The following SCYL2 variants were observed in gnomAD, a reference collection of about 807,000 sequenced individuals.
The protein encoded by SCYL2 is SCY1 like pseudokinase 2.
A neutral mutation model predicts 100.4 loss-of-function variants in SCYL2; 36 were observed. The ratio of observed to expected loss-of-function variants is 0.36; its 90% confidence interval spans 0.27 to 0.47. SCYL2 has a LOEUF of 0.47. Among genes scored for constraint, SCYL2 ranks in the 20% least tolerant of loss-of-function variants. SCYL2 has a pLI of 1.00. For missense variants in SCYL2, 902 were observed against 1,083.9 expected (o/e 0.83, Z 2.36); for synonymous variants, 330 against 359.2 (o/e 0.92, Z 0.92).
chr12:100,306,498 A>G (rs980205644), intron 4 of SCYL2, among the ~76,000 whole-genome samples: 5 of 152,192 alleles, frequency 3.3e-5, no homozygotes, highest in African/African-American at 9.6e-5. Flanking sequence ...TTGATAGAAC[A>G]TATCTCAAAA....
At chr12:100,306,370 A>G (rs767614854) in intron 4 of SCYL2, among the ~76,000 whole-genome samples, 1 of 152,240 alleles carries the variant, frequency 6.6e-6, no homozygotes, top group Non-Finnish European at 1.5e-5. Flanking sequence ...ATTAAATGTC[A>G]TCCATCACAT....
intron 6 of SCYL2, among the ~76,000 whole-genome samples, chr12:100,313,146 CAAAT>C (rs2096344242): frequency 1.3e-5 from 2 of 151,786 alleles, no homozygotes; most frequent in South Asian, 4.1e-4. Flanking sequence ...ATATTTTTTT[CAAAT>C]AAATAAAGAG....
chr12:100,332,213 C>T (rs1952218910), intron 13 of SCYL2, among the ~76,000 whole-genome samples: 1 of 152,170 alleles, frequency 6.6e-6, no homozygotes, highest in Non-Finnish European at 1.5e-5. Context: ...ATTAGAGACT[C>T]AGTGTCCAGA....
chr12:100,288,066 GAAATT>G (rs1180087196), intron 2 of SCYL2, among the ~76,000 whole-genome samples: 3 of 152,166 alleles, frequency 2.0e-5, no homozygotes, highest in African/African-American at 7.2e-5. Context: ...AAAGAAAAAT[GAAATT>G]AGATTATGAT....
chr12:100,291,707 T>C lies in SCYL2; in HGVS notation c.335+47T>C, dbSNP rs757044680. 15 of 1,481,104 alleles carry C rather than the reference T, an allele frequency of 1.0e-5. No individual in the cohort carries two copies. The Admixed American group carries it at 2.7e-4, about 27-fold the overall frequency. The allele number at this position is 1,481,104 out of a possible 1,614,324, so 91.7% of individuals were successfully genotyped here. A position where few individuals can be genotyped will look rare whatever the true frequency, so the allele number is the denominator to read the frequency against. ...CATAGTAGACTTCCTGAACAAATAG[T>C]TAAAAATAATTTTATATTTGAAATC... On this transcript the variant is annotated intron_variant, in intron 3 of 17. Coordinates refer to ENST00000360820, the MANE Select transcript of SCYL2 (RefSeq NM_017988.6).
intron 4 of SCYL2, among the ~76,000 whole-genome samples, chr12:100,307,113 C>T (rs9971721): frequency 0.22 from 34,165 of 152,040 alleles, 4,314 homozygotes; most frequent in African/African-American, 0.33. Flanking sequence ...CAAGCTACCA[C>T]TGATTTTCTT....
chr12:100,333,110 TG>T (rs1952232392), intron 13 of SCYL2, among the ~76,000 whole-genome samples: 1 of 151,906 alleles, frequency 6.6e-6, no homozygotes, highest in Non-Finnish European at 1.5e-5. Context: ...CACTTTGACA[TG>T]TAGACTTTTG....
intron 2 of SCYL2, among the ~76,000 whole-genome samples, chr12:100,289,445 T>A (rs578085473): frequency 1.3e-5 from 2 of 152,222 alleles, no homozygotes; most frequent in African/African-American, 4.8e-5. Context: ...ATAATATTTG[T>A]CTCGTAGGGT....
At chr12:100,294,510 C>CT (rs2096315604) in intron 3 of SCYL2, among the ~76,000 whole-genome samples, 1 of 72,460 alleles carries the variant, frequency 1.4e-5, no homozygotes, top group East Asian at 2.7e-4. Context: ...AGGCGGGGGG[C>CT]TGACTCCCCC....
At chr12:100,277,905 T>A (rs949045055) in intron 1 of SCYL2, among the ~76,000 whole-genome samples, 11 of 152,164 alleles carry the variant, frequency 7.2e-5, no homozygotes, top group Non-Finnish European at 1.3e-4. Flanking sequence ...TGTTATTATT[T>A]GAGGGTCTAC....
intron 4 of SCYL2, among the ~76,000 whole-genome samples, chr12:100,309,833 G>T (rs2096339928): frequency 6.6e-6 from 1 of 152,004 alleles, no homozygotes; most frequent in Non-Finnish European, 1.5e-5. Context: ...TTCTATTTTT[G>T]GGGGGAACAA....
intron 1 of SCYL2, among the ~76,000 whole-genome samples, chr12:100,268,227 T>C (rs1044926791): frequency 2.0e-5 from 3 of 152,232 alleles, no homozygotes; most frequent in African/African-American, 7.2e-5. Context: ...GATGACACTT[T>C]CTAAAAACAT....
At position 100,311,074 on chromosome 12, in the gene SCYL2, A is replaced by G. The variant is rs747627868; in HGVS notation, c.511A>G (p.Ser171Gly). ...TGAAGGATTGTCATTCTTGCATAGC[A>G]GTGTGAAAATGGTGCATGGAAATAT... ...VSEGLSFLHS[S>G]VKMVHGNITP... The change falls in exon 5 of 18, where the codon AGT (serine) becomes GGT (glycine). Residue 171 changes from serine to glycine, a missense_variant. Coordinates refer to ENST00000360820, the MANE Select transcript of SCYL2 (RefSeq NM_017988.6). 2.5e-6 allele frequency: 4 copies of G among 1,599,994 alleles called. No homozygotes were observed. The East Asian group carries it at 9.1e-5, about 36-fold the overall frequency.
In SCYL2 at chr12:100,294,990, C is replaced by T. The variant is rs1329819941; in HGVS notation, c.336-3041C>T. On this transcript the variant is annotated intron_variant, in intron 3 of 17. Transcript: ENST00000360820. Reference sequence around the variant, plus strand: ...CTCCTCACTTCTCAGACGGGGTGGCCGGGCAGAGACGCTCCTCACCTCCCA... The same window carrying T: ...CTCCTCACTTCTCAGACGGGGTGGCTGGGCAGAGACGCTCCTCACCTCCCA... Among the ~76,000 whole-genome samples the T allele has an allele frequency of 2.1e-4, 31 of 147,478 alleles. 1 individual carries two copies. In the South Asian group the frequency reaches 5.5e-3, roughly 26 times the overall value.
At chr12:100,270,887 C>A (rs1195362107) in intron 1 of SCYL2, among the ~76,000 whole-genome samples, 1 of 151,928 alleles carries the variant, frequency 6.6e-6, no homozygotes, top group African/African-American at 2.4e-5. Context: ...TGGTGCTTTT[C>A]ATCTAGTAGG....
At chr12:100,314,769 G>A (rs1472969453) in intron 8 of SCYL2, among the ~76,000 whole-genome samples, 155 bp downstream of exon 8, 1 of 152,154 alleles carries the variant, frequency 6.6e-6, no homozygotes, top group African/African-American at 2.4e-5. Flanking sequence ...AAAGTTCAGT[G>A]GACCTTTTTT....
At chr12:100,324,221 CAA>C (rs913103890) in intron 11 of SCYL2, among the ~76,000 whole-genome samples, 20 of 152,202 alleles carry the variant, frequency 1.3e-4, no homozygotes, top group South Asian at 2.1e-4. Flanking sequence ...GAATTAATAA[CAA>C]AGTTTTCATT....
At chr12:100,314,725 A>G (rs958929314) in intron 8 of SCYL2, 111 bp downstream of exon 8, 6 of 1,072,244 alleles carry the variant, frequency 5.6e-6, no homozygotes, top group South Asian at 1.5e-5. Flanking sequence ...CCTGAGGTAC[A>G]TAAATGACTA....
intron 3 of SCYL2, among the ~76,000 whole-genome samples, chr12:100,297,076 G>A (rs2096321730): frequency 6.6e-6 from 1 of 152,192 alleles, no homozygotes. Flanking sequence ...CCACATTACT[G>A]TACTACTTTG....
Sources: gnomAD v4.1 joint callset for allele counts (sites outside exome capture counted in the v4.1 genomes callset) on GRCh38, gnomAD v4.1.1 for gene constraint, MANE v1.5 for transcripts, NCBI Gene and HGNC (gene_info 2026-07-23, HGNC 2026-07-21) for gene names.